EPB41L3: variants seen among roughly 807,000 people sequenced by gnomAD.
EPB41L3 encodes erythrocyte membrane protein band 4.1 like 3.
In EPB41L3, 57 loss-of-function variants were observed where a neutral mutation model predicts 127.1. The ratio of observed to expected loss-of-function variants is 0.45; its 90% CI spans 0.36 to 0.56. EPB41L3 has a LOEUF of 0.56. Among genes scored for constraint, EPB41L3 ranks in the 20% least tolerant of loss-of-function variants. The pLI, the probability that EPB41L3 is intolerant of heterozygous loss-of-function variation, is 0.00. For synonymous variants in EPB41L3, 572 were observed against 549.5 expected (o/e 1.04, Z -0.57); for missense variants, 1,273 against 1,372.2 (o/e 0.93, Z 1.14).
intron 3 of EPB41L3, among the ~76,000 whole-genome samples, chr18:5,589,198 G>A (rs1208177833): frequency 6.6e-6 from 1 of 152,046 alleles, no homozygotes; most frequent in Non-Finnish European, 1.5e-5. Context: ...ATTACACAGT[G>A]TATTCTTATA....
At chr18:5,496,207 A>G (rs2091159364) in intron 1 of EPB41L3, among the ~76,000 whole-genome samples, 2 of 152,270 alleles carry the variant, frequency 1.3e-5, no homozygotes, top group Non-Finnish European at 2.9e-5. Context: ...AGAAAAATCA[A>G]CAAATATAGT....
At chr18:5,488,852 AATAGCATAC>A in intron 2 of EPB41L3, 140 bp downstream of exon 2, 1 of 834,716 alleles carries the variant, frequency 1.2e-6, no homozygotes, top group Non-Finnish European at 1.7e-6. Flanking sequence ...AAAGCCTTAA[AATAGCATAC>A]ATTTTCATCT....
rs1568583747 is a variant in EPB41L3 at position 5,566,742 on chromosome 18, CTATTCTATTCTATTCT to C, written c.-306+45582_-306+45597del. Among the ~76,000 whole-genome samples the C allele has an allele frequency of 3.9e-5, 5 of 126,730 alleles. No homozygotes were observed. In the East Asian group the frequency reaches 9.5e-4, roughly 24 times the overall value. The allele number at this position is 126,730 out of a possible 152,430, so 83.1% of individuals were successfully genotyped here. On this transcript the variant is annotated intron_variant, in intron 3 of 21. Transcript: ENST00000545076. ...CTATTCCATTCTATTCTATTCTATT[CTATTCTATTCTATTCT>C]ATTCTATTCTATTCTATTCTATTCT...
rs534712094 is a variant in EPB41L3 at position 5,423,823 on chromosome 18, C to T, written c.1164-270G>A. Among the ~76,000 whole-genome samples the T allele has an allele frequency of 2.5e-3, 374 of 152,198 alleles. 1 individual carries two copies. The highest frequency in any genetic ancestry group is 4.5e-3 in the Non-Finnish European group (304 of 68,012). On this transcript the variant is annotated intron_variant, in intron 10 of 22. Coordinates refer to ENST00000341928, the MANE Select transcript of EPB41L3 (RefSeq NM_012307.5). ...AGTGGACAGTCTATGGTTCTATAAG[C>T]CCAAACAGCTACTAAATAGTTTGAT...
In EPB41L3 at chr18:5,406,848, A is replaced by T. The variant is rs1181117662; in HGVS notation, c.2278T>A (p.Ser760Thr). The T allele has an allele frequency of 6.2e-7, 1 of 1,614,206 alleles. No homozygotes were observed. ...GCGGCCAGTCGCACGGGGGAGGTGG[A>T]AAGCCTCTTCTCCCATTCATTCGTT... ...AVTNEWEKRL[S>T]TSPVRLAARQ... Residue 760 changes from serine (S) to threonine (T), a missense_variant, in exon 16 of 23, where the codon TCC (serine) becomes ACC (threonine). Physicochemically the swap from Ser to Thr is moderately conservative, Grantham distance 58. Around this residue, in one of 3 missense-constraint regions of EPB41L3, gnomAD observed 765 missense variants for 782.9 expected, o/e 0.98. Transcript: ENST00000341928.
chr18:5,559,955 A>G (rs907262321), intron 3 of EPB41L3, among the ~76,000 whole-genome samples: 1 of 152,232 alleles, frequency 6.6e-6, no homozygotes, highest in African/African-American at 2.4e-5. Context: ...TAGAATGAGC[A>G]TGTTATTTAG....
chr18:5,588,587 C>T (rs1233613574), intron 3 of EPB41L3, among the ~76,000 whole-genome samples: 1 of 151,290 alleles, frequency 6.6e-6, no homozygotes, highest in Non-Finnish European at 1.5e-5. Flanking sequence ...AACAGTACAT[C>T]CATCCATTCA....
chr18:5,603,033 C>A (rs987388292), intron 3 of EPB41L3, among the ~76,000 whole-genome samples: 1 of 152,156 alleles, frequency 6.6e-6, no homozygotes, highest in Admixed American at 6.5e-5. Context: ...AACTACTTCC[C>A]TATCATCAAC....
At chr18:5,396,941 C>G in intron 18 of EPB41L3, 117 bp downstream of exon 18, 1 of 1,086,418 alleles carries the variant, frequency 9.2e-7, no homozygotes, top group South Asian at 1.6e-5. Context: ...GAGAAATACA[C>G]TATACATGGG....
chr18:5,433,642 A>G (rs2079314211), intron 7 of EPB41L3, 86 bp from the exon 8 acceptor site: 2 of 1,242,450 alleles, frequency 1.6e-6, no homozygotes, highest in Non-Finnish European at 2.3e-6. Flanking sequence ...ATGCTATCTC[A>G]TAAGAAGTCC....
chr18:5,563,942 A>G (rs540873856), intron 3 of EPB41L3, among the ~76,000 whole-genome samples: 2 of 152,332 alleles, frequency 1.3e-5, no homozygotes, highest in African/African-American at 4.8e-5. Flanking sequence ...GTGAAAAAGA[A>G]CAACTTGGGT....
At chr18:5,627,301 G>A (rs2094932907) in intron 1 of EPB41L3, among the ~76,000 whole-genome samples, 1 of 152,094 alleles carries the variant, frequency 6.6e-6, no homozygotes, top group African/African-American at 2.4e-5. Context: ...TGTGAACCAT[G>A]GCATGTTCAT....
chr18:5,548,367 G>C (rs558018578), upstream of EPB41L3, among the ~76,000 whole-genome samples: 14 of 152,190 alleles, frequency 9.2e-5, no homozygotes, highest in Non-Finnish European at 1.8e-4. Context: ...TCAGGGGTCT[G>C]TCTACATGCA....
intron 1 of EPB41L3, among the ~76,000 whole-genome samples, chr18:5,518,806 G>A (rs990432510): frequency 2.6e-5 from 4 of 152,222 alleles, no homozygotes; most frequent in South Asian, 4.2e-4. Context: ...CCAGACTCTC[G>A]CTGCTTAAGA....
intron 3 of EPB41L3, among the ~76,000 whole-genome samples, chr18:5,593,115 A>C (rs2094501374): frequency 6.6e-6 from 1 of 152,112 alleles, no homozygotes; most frequent in Non-Finnish European, 1.5e-5. Context: ...GATCAGAACC[A>C]CTGACAAAAC....
intron 1 of EPB41L3, among the ~76,000 whole-genome samples, chr18:5,627,851 G>C (rs1192471856): frequency 6.6e-6 from 1 of 152,202 alleles, no homozygotes; most frequent in Non-Finnish European, 1.5e-5. Context: ...TCAGTACTGA[G>C]AACGTTTTCC....
chr18:5,584,320 C>T (rs909204631), intron 3 of EPB41L3, among the ~76,000 whole-genome samples: 5 of 152,110 alleles, frequency 3.3e-5, no homozygotes, highest in Non-Finnish European at 5.9e-5. Context: ...CAGAACGTAA[C>T]CCGTCTGAAG....
At chr18:5,445,488 C>G (rs145585230) in intron 3 of EPB41L3, among the ~76,000 whole-genome samples, 1 of 152,144 alleles carries the variant, frequency 6.6e-6, no homozygotes, top group South Asian at 2.1e-4. Flanking sequence ...GTATCAACAG[C>G]GCTACTTAGT....
intron 1 of EPB41L3, among the ~76,000 whole-genome samples, chr18:5,519,133 C>T (rs543171004): frequency 2.0e-5 from 3 of 152,286 alleles, no homozygotes; most frequent in East Asian, 1.9e-4. Context: ...AAGAAAACGA[C>T]GAGTGAAACA....
Sources: allele counts gnomAD v4.1 joint callset (sites outside exome capture counted in the v4.1 genomes callset), GRCh38; gene constraint gnomAD v4.1.1; regional missense constraint gnomAD v4.1.1; transcripts MANE v1.5; gene names NCBI Gene and HGNC (gene_info 2026-07-23, HGNC 2026-07-21).